CYP46A1: variants seen among roughly 807,000 people sequenced by gnomAD.
CYP46A1 encodes cytochrome P450 family 46 subfamily A member 1.
Under a neutral mutation model 63.3 loss-of-function variants are expected in CYP46A1, and 20 were observed. The observed-to-expected ratio is 0.32, with a 90% confidence interval of 0.22 to 0.46. The LOEUF is 0.46. CYP46A1 is among the 20% of genes least tolerant of loss of function. CYP46A1 has a pLI of 1.00. For synonymous variants in CYP46A1, 268 were observed against 273.6 expected (o/e 0.98, Z 0.20); for missense variants, 445 against 670.8 (o/e 0.66, Z 3.72).
intron 3 of CYP46A1, chr14:99,693,712 A>G (rs2056562582): frequency 6.6e-6 from 1 of 152,224 alleles, no homozygotes; most frequent in African/African-American, 2.4e-5. Context: ...AATATTTGAT[A>G]TAATTCACCA....
At chr14:99,702,171 A>G (rs1439797342) in intron 5 of CYP46A1, among the ~76,000 whole-genome samples, 2 of 151,722 alleles carry the variant, frequency 1.3e-5, no homozygotes, top group Admixed American at 6.6e-5. Context: ...GGATTTTTGC[A>G]TTCTAGACAT....
At chr14:99,716,598 G>A (rs998150097) in intron 9 of CYP46A1, among the ~76,000 whole-genome samples, 6 of 152,250 alleles carry the variant, frequency 3.9e-5, no homozygotes, top group Admixed American at 6.5e-5. Context: ...TCAGCCGTCA[G>A]TGAGCCCTCG....
chr14:99,725,520 G>T lies in CYP46A1; in HGVS notation c.1265+41G>T, dbSNP rs764709264. ...AGCTGCCCATGAGTGGGGCTGGCGG[G>T]AGAAGGACAGACACAGCGGCCTCTG... On this transcript the variant is annotated intron_variant, in intron 13 of 14. Coordinates refer to ENST00000261835, the MANE Select transcript of CYP46A1 (RefSeq NM_006668.2). The surrounding 1 kb of genome is among the most constrained non-coding windows in gnomAD (Gnocchi z 4.2). 1.3e-6 allele frequency: 2 copies of T among 1,482,360 alleles called. No homozygotes were observed. Among genetic ancestry groups the T allele is most frequent in the South Asian group, 2.3e-5 (2 of 88,290 alleles). The allele number at this position is 1,482,360 out of a possible 1,614,324, so 91.8% of individuals were successfully genotyped here.
chr14:99,726,340 C>T (rs1173402554), intron 14 of CYP46A1, 84 bp downstream of exon 14: 26 of 1,248,346 alleles, frequency 2.1e-5, no homozygotes, highest in Non-Finnish European at 2.8e-5. Flanking sequence ...TCTCCGAACC[C>T]CTGCTCTGGG....
At chr14:99,716,972 G>A (rs2056796074) in intron 9 of CYP46A1, among the ~76,000 whole-genome samples, 1 of 152,208 alleles carries the variant, frequency 6.6e-6, no homozygotes. Context: ...GAGGTCTGCA[G>A]GTGAAAGGCA....
rs368904176 is a variant in CYP46A1 at position 99,721,306 on chromosome 14, C to T, written c.1048C>T (p.Leu350=). ...CCTGGATTTCGAGGACCTGGGGAGA[C>T]TGCAGTACCTGTCCCAGGTGTGGGA... is the stretch of plus-strand genomic sequence containing the variant. ...RYLDFEDLGR[L]QYLSQVLKES... Residue 350 remains leucine, a synonymous_variant, in exon 11 of 15, where the codon CTG becomes TTG. Transcript: ENST00000261835. 4.3e-6 allele frequency: 7 copies of T among 1,611,726 alleles called. No individual in the cohort carries two copies. The highest frequency in any genetic ancestry group is 4.0e-5 in the African/African-American group (3 of 74,838).
At chr14:99,699,964 C>CGGGGG in intron 4 of CYP46A1, 51 bp from the exon 5 acceptor site, 1 of 773,850 alleles carries the variant, frequency 1.3e-6, no homozygotes, top group Non-Finnish European at 2.1e-6. Context: ...ATCAAGCAGT[C>CGGGGG]GCTCCCCACC....
chr14:99,726,513 T>G, intron 14 of CYP46A1, 44 bp from the exon 15 acceptor site: 1 of 1,502,206 alleles, frequency 6.7e-7, no homozygotes, highest in Non-Finnish European at 8.9e-7. Flanking sequence ...ACTCATTCTG[T>G]CTTTGCTCCT....
chr14:99,693,627 A>G (rs746209349), intron 3 of CYP46A1: 25 of 152,216 alleles, frequency 1.6e-4, no homozygotes, highest in Non-Finnish European at 3.4e-4. Context: ...ACCTCATAGG[A>G]TAAGTTGGGA....
intron 3 of CYP46A1, among the ~76,000 whole-genome samples, chr14:99,698,599 A>C (rs572376667): frequency 5.9e-5 from 9 of 152,276 alleles, no homozygotes; most frequent in Admixed American, 4.6e-4. Context: ...TCTTATGTAG[A>C]ATTGACACTC....
intron 3 of CYP46A1, chr14:99,693,184 AATTC>A (rs1251561893): frequency 6.5e-6 from 1 of 152,996 alleles, no homozygotes; most frequent in Non-Finnish European, 1.5e-5. Flanking sequence ...TGTGTGGGGC[AATTC>A]TCTGCAATGG....
At position 99,715,935 on chromosome 14, in the gene CYP46A1, C is replaced by T. The variant is rs1320071109; in HGVS notation, c.819C>T (p.Ala273=). The T allele has an allele frequency of 4.3e-6, 7 of 1,610,878 alleles. No individual in the cohort carries two copies. Among genetic ancestry groups the T allele is most frequent in the East Asian group, 4.5e-5 (2 of 44,836 alleles). The change falls in exon 8 of 15, where the codon GCC becomes GCT. Residue 273 remains alanine, a synonymous_variant. Coordinates refer to ENST00000261835, the MANE Select transcript of CYP46A1 (RefSeq NM_006668.2). ...TGAAGAGGGGCGAGGAGGTTCCTGCCGACATCCTCACACAGATTCTGAAAG... is the reference window on the plus strand; with the variant it reads ...TGAAGAGGGGCGAGGAGGTTCCTGCTGACATCCTCACACAGATTCTGAAAG... ...EALKRGEEVP[A]DILTQILKAE...
At chr14:99,721,852 C>T in intron 11 of CYP46A1, 104 bp from the exon 12 acceptor site, 1 of 871,026 alleles carries the variant, frequency 1.1e-6, no homozygotes, top group East Asian at 2.5e-5. Flanking sequence ...GGTATGCACT[C>T]AGCCTGTGGG....
At chr14:99,708,100 A>T (rs914063433) in intron 7 of CYP46A1, 2 of 261,326 alleles carry the variant, frequency 7.7e-6, no homozygotes, top group East Asian at 2.2e-4. Context: ...CACCCGCTGC[A>T]GCTACCACCA....
At chr14:99,701,296 C>G (rs2140120784) in intron 5 of CYP46A1, among the ~76,000 whole-genome samples, 1 of 152,338 alleles carries the variant, frequency 6.6e-6, no homozygotes, top group Middle Eastern at 3.4e-3. Flanking sequence ...TCACCACTCA[C>G]TCACTGACTC....
intron 10 of CYP46A1, among the ~76,000 whole-genome samples, chr14:99,719,082 ACCT>A (rs1469611479): frequency 6.6e-6 from 1 of 151,968 alleles, no homozygotes; most frequent in Non-Finnish European, 1.5e-5. Context: ...CCTCATTGTA[ACCT>A]CCTCCCAAAT....
rs61984441 is a variant in CYP46A1 at position 99,703,960 on chromosome 14, G to A, written c.444-2687G>A. The A allele has an allele frequency of 4.9e-6, 4 of 820,030 alleles. No individual in the cohort carries two copies. In the South Asian group the frequency reaches 2.2e-4, roughly 46 times the overall value. The allele number at this position is 820,030 out of a possible 1,614,324, so 50.8% of individuals were successfully genotyped here. A position where few individuals can be genotyped will look rare whatever the true frequency, so the allele number is the denominator to read the frequency against. On this transcript the variant is annotated intron_variant, in intron 5 of 14. Coordinates refer to ENST00000261835, the MANE Select transcript of CYP46A1 (RefSeq NM_006668.2). Reference sequence around the variant, plus strand: ...TTGTGCCAAGAGCCAGGGTTGCAAAGGCCAGCCAAGCAAACTTCAGGAAGC... The same window carrying A: ...TTGTGCCAAGAGCCAGGGTTGCAAAAGCCAGCCAAGCAAACTTCAGGAAGC...
rs532728340 is a variant in CYP46A1, at chr14:99,695,691, C to T, written c.283-3775C>T. On this transcript the variant is annotated intron_variant, in intron 3 of 14. Coordinates refer to ENST00000261835, the MANE Select transcript of CYP46A1 (RefSeq NM_006668.2). Reference sequence around the variant, plus strand: ...TGTTGCCCAAGCTAGAGTGCAATGGCGCTATCTCGGCTCACTGCAACCTCC... The same window carrying T: ...TGTTGCCCAAGCTAGAGTGCAATGGTGCTATCTCGGCTCACTGCAACCTCC... Among the ~76,000 whole-genome samples, 36 of 151,074 alleles carry T rather than the reference C, an allele frequency of 2.4e-4. 1 individual carries two copies. In the South Asian group the frequency reaches 2.9e-3, roughly 12 times the overall value.
chr14:99,715,328 C>T (rs1209211026), intron 7 of CYP46A1, among the ~76,000 whole-genome samples: 2 of 152,172 alleles, frequency 1.3e-5, no homozygotes, highest in African/African-American at 2.4e-5. Flanking sequence ...CTCCACATAT[C>T]ACCTCCTTAT....
Sources: allele counts gnomAD v4.1 joint callset (sites outside exome capture counted in the v4.1 genomes callset), GRCh38; gene constraint gnomAD v4.1.1; non-coding constraint Gnocchi (gnomAD v3.1); transcripts MANE v1.5; gene names NCBI Gene and HGNC (gene_info 2026-07-23, HGNC 2026-07-21).